Variants in BCKDHB observed in about 807,000 individuals in gnomAD.
BCKDHB encodes 2-oxoisovalerate dehydrogenase subunit beta, mitochondrial.
In BCKDHB, 41 loss-of-function variants were observed where a neutral mutation model predicts 48.5. The ratio of observed to expected loss-of-function variants is 0.85; its 90% CI spans 0.66 to 1.10. BCKDHB has a LOEUF of 1.10. Ranked by LOEUF, BCKDHB falls within the 50% of genes least tolerant of loss-of-function variation. The probability of loss-of-function intolerance (pLI) is 0.00; values close to 1 mark genes in which losing one functional copy is unlikely to be tolerated. For synonymous variants in BCKDHB, 201 were observed against 174.8 expected, an observed-to-expected ratio of 1.15 and a Z score of -1.18; for missense variants, 496 against 494.2, an observed-to-expected ratio of 1.00 and a Z score of -0.03.
intron 3 of BCKDHB, 84 bp downstream of exon 3, chr6:80,129,313 T>G (rs1770509909): frequency 8.6e-7 from 1 of 1,166,508 alleles, no homozygotes; most frequent in Non-Finnish European, 1.3e-6. Context: ...TACTAAATTT[T>G]TTGTCATATC....
At chr6:80,200,224 A>G (rs1774325510) in intron 6 of BCKDHB, among the ~76,000 whole-genome samples, 1 of 152,144 alleles carries the variant, frequency 6.6e-6, no homozygotes, top group South Asian at 2.1e-4. Context: ...AGAAGTTCAT[A>G]AAATGGTTTT....
intron 3 of BCKDHB, among the ~76,000 whole-genome samples, chr6:80,156,703 G>A (rs1292219011): frequency 6.6e-6 from 1 of 152,070 alleles, no homozygotes. Context: ...AAGCCATGAG[G>A]TTATCAGTAC....
At chr6:80,418,823 G>T in the BCKDHB span, among the ~76,000 whole-genome samples, 1 of 152,176 alleles carries the variant, frequency 6.6e-6, no homozygotes, top group Non-Finnish European at 1.5e-5. Flanking sequence ...GGGTGCCGGG[G>T]TTCCTGCCTC....
the BCKDHB span, among the ~76,000 whole-genome samples, chr6:80,387,114 G>A: frequency 1.3e-5 from 2 of 152,158 alleles, no homozygotes; most frequent in African/African-American, 2.4e-5. Flanking sequence ...AAACCTCATT[G>A]TGGTCCTCCA....
the BCKDHB span, among the ~76,000 whole-genome samples, chr6:80,443,779 G>C: frequency 6.6e-6 from 1 of 152,020 alleles, no homozygotes; most frequent in African/African-American, 2.4e-5. Flanking sequence ...AAAATGCTGG[G>C]ATTACAGGCT....
chr6:80,138,907 A>T lies in BCKDHB; in HGVS notation c.343+9678A>T, dbSNP rs538882137. Among the ~76,000 whole-genome samples the T allele has an allele frequency of 1.5e-3, 222 of 152,242 alleles. 1 individual carries two copies. Among genetic ancestry groups the T allele is most frequent in the African/African-American group, 5.1e-3 (212 of 41,504 alleles). ...ACTTCCACAATGGTTGAACTAGTTTATAGTCCCAGCAACAGTGTAAAAGTG... is the reference window on the plus strand; with the variant it reads ...ACTTCCACAATGGTTGAACTAGTTTTTAGTCCCAGCAACAGTGTAAAAGTG... On this transcript the variant is annotated intron_variant, in intron 3 of 9. Coordinates refer to ENST00000320393, the MANE Select transcript of BCKDHB (RefSeq NM_183050.4).
At chr6:80,177,938 T>G (rs535577811) in intron 6 of BCKDHB, among the ~76,000 whole-genome samples, 204 of 152,368 alleles carry the variant, frequency 1.3e-3, no homozygotes, top group Non-Finnish European at 2.6e-3. Flanking sequence ...CAGAGGTAAA[T>G]GCAAGGCTTT....
chr6:80,124,986 C>T (rs1403711477), intron 1 of BCKDHB, among the ~76,000 whole-genome samples: 1 of 152,150 alleles, frequency 6.6e-6, no homozygotes, highest in Admixed American at 6.6e-5. Flanking sequence ...GTCCACCTGT[C>T]CTTTGAAGCC....
intron 8 of BCKDHB, among the ~76,000 whole-genome samples, chr6:80,243,538 C>G (rs9361591): frequency 3.3e-5 from 5 of 151,632 alleles, no homozygotes; most frequent in African/African-American, 7.3e-5. Flanking sequence ...ATATCTCTCT[C>G]TCTATATTTT....
rs1774134666 is a variant in BCKDHB at position 80,196,445 on chromosome 6, A to T, written c.743-4489A>T. On this transcript the variant is annotated intron_variant, in intron 6 of 9. Transcript: ENST00000320393. ...TGCTTCCCTTTAGATTCCCAGAGCA[A>T]TTTGTTCCCATTGCTATATTATGAT... Among the ~76,000 whole-genome samples the T allele has an allele frequency of 2.6e-5, 4 of 152,078 alleles. No homozygotes were observed. The South Asian group carries it at 8.3e-4, about 32-fold the overall frequency.
intron 3 of BCKDHB, among the ~76,000 whole-genome samples, chr6:80,146,542 A>G (rs1771497990): frequency 6.6e-6 from 1 of 152,110 alleles, no homozygotes; most frequent in Non-Finnish European, 1.5e-5. Flanking sequence ...AGGGATGGGG[A>G]GAATGGGACT....
At chr6:80,432,051 CAG>C in the BCKDHB span, among the ~76,000 whole-genome samples, 20 of 151,766 alleles carry the variant, frequency 1.3e-4, no homozygotes, top group Admixed American at 4.0e-4. Flanking sequence ...AGGGTTTCTG[CAG>C]AGAGATCCAC....
At chr6:80,371,720 C>T in the BCKDHB span, among the ~76,000 whole-genome samples, 30 of 152,206 alleles carry the variant, frequency 2.0e-4, no homozygotes, top group East Asian at 5.2e-3. Flanking sequence ...ATTATCCCAG[C>T]ACCAATTGTT....
the BCKDHB span, among the ~76,000 whole-genome samples, chr6:80,379,021 G>A: frequency 6.6e-6 from 1 of 152,026 alleles, no homozygotes. Flanking sequence ...GACATGCAAA[G>A]AGCTACTACC....
At chr6:80,202,690 C>G (rs1262130693) in intron 7 of BCKDHB, among the ~76,000 whole-genome samples, 1 of 150,076 alleles carries the variant, frequency 6.7e-6, no homozygotes, top group Admixed American at 6.6e-5. Flanking sequence ...TCCTTTTTTT[C>G]TTTCCTTCCC....
the BCKDHB span, chr6:80,374,708 A>G: frequency 2.9e-6 from 1 of 341,584 alleles, no homozygotes; most frequent in African/African-American, 2.1e-5. Flanking sequence ...TCACCCGAAT[A>G]TCTAGGTTTT....
At chr6:80,113,652 G>C (rs1425999068) in intron 1 of BCKDHB, among the ~76,000 whole-genome samples, 1 of 152,210 alleles carries the variant, frequency 6.6e-6, no homozygotes, top group East Asian at 1.9e-4. Flanking sequence ...ATACGTTACT[G>C]GTGGAGGATG....
At chr6:80,305,574 A>G (rs1767833389) in intron 9 of BCKDHB, among the ~76,000 whole-genome samples, 1 of 152,136 alleles carries the variant, frequency 6.6e-6, no homozygotes, top group African/African-American at 2.4e-5. Flanking sequence ...GAAATGTGAC[A>G]AATTGATTCT....
In BCKDHB at chr6:80,327,057, A is replaced by T. The variant is rs551079808; in HGVS notation, c.1039-16607A>T. 2.4e-3 allele frequency among the ~76,000 whole-genome samples: 364 copies of T among 151,866 alleles called. 2 individuals are homozygous for T. The highest frequency in any genetic ancestry group is 3.2e-3 in the Non-Finnish European group (218 of 67,902). ...TCTTTTTAACCTGTGCCTATGTTTT[A>T]AAAAAAAATTGTTTAAGTTTGACAT... On this transcript the variant is annotated intron_variant, in intron 9 of 9. Transcript: ENST00000320393.
Sources: gnomAD v4.1 joint callset for allele counts (sites outside exome capture counted in the v4.1 genomes callset) on GRCh38, gnomAD v4.1.1 for gene constraint, MANE v1.5 for transcripts, NCBI Gene and HGNC (gene_info 2026-07-23, HGNC 2026-07-21) for gene names.